The following ERC2 variants were observed in gnomAD, a reference collection of about 807,000 sequenced individuals.
The protein encoded by ERC2 is ERC protein 2.
ERC2 carries 42 observed loss-of-function variants against 114.8 expected under a neutral mutation model. The observed-to-expected ratio is 0.37, with a 90% CI of 0.29 to 0.47. The LOEUF (loss-of-function observed/expected upper bound fraction) is 0.47. ERC2 is among the 20% of genes least tolerant of loss of function. ERC2 has a pLI of 0.99. For synonymous variants in ERC2, 454 were observed against 425.5 expected, an observed-to-expected ratio of 1.07 and a Z score of -0.82; for missense variants, 939 against 1,150.7, an observed-to-expected ratio of 0.82 and a Z score of 2.66.
At chr3:56,009,349 T>C (rs561016815) in intron 9 of ERC2, among the ~76,000 whole-genome samples, 74 of 152,304 alleles carry the variant, frequency 4.9e-4, no homozygotes, top group Non-Finnish European at 8.4e-4. Flanking sequence ...AACAAAGAAA[T>C]AAGCTCCTTT....
chr3:55,819,065 T>C (rs1347921246), intron 14 of ERC2, among the ~76,000 whole-genome samples: 1 of 152,204 alleles, frequency 6.6e-6, no homozygotes, highest in Non-Finnish European at 1.5e-5. Flanking sequence ...ATGGTCCTTC[T>C]CTGCTGGGCA....
intron 3 of ERC2, among the ~76,000 whole-genome samples, chr3:56,216,079 A>T (rs2049448549): frequency 6.6e-6 from 1 of 152,224 alleles, no homozygotes; most frequent in African/African-American, 2.4e-5. Context: ...TCACAATTAA[A>T]AGAACTAGAG....
At chr3:56,001,643 T>A (rs1469627604) in intron 10 of ERC2, among the ~76,000 whole-genome samples, 1 of 152,128 alleles carries the variant, frequency 6.6e-6, no homozygotes, top group Non-Finnish European at 1.5e-5. Flanking sequence ...CACTGATATT[T>A]CTAGAAATGG....
At chr3:55,910,143 A>G (rs1413666840) in intron 13 of ERC2, among the ~76,000 whole-genome samples, 2 of 152,192 alleles carry the variant, frequency 1.3e-5, no homozygotes, top group East Asian at 1.9e-4. Flanking sequence ...TAATCTCAGC[A>G]CTTTGGGAGG....
At chr3:55,966,095 G>A (rs932500076) in intron 12 of ERC2, among the ~76,000 whole-genome samples, 1 of 152,112 alleles carries the variant, frequency 6.6e-6, no homozygotes, top group Non-Finnish European at 1.5e-5. Flanking sequence ...TAGCTCTAGG[G>A]TATGTTAATA....
chr3:56,197,276 A>T (rs1323446998), intron 3 of ERC2, among the ~76,000 whole-genome samples: 1 of 152,176 alleles, frequency 6.6e-6, no homozygotes, highest in African/African-American at 2.4e-5. Flanking sequence ...GAATGGTGAT[A>T]ATGCTTGCTT....
chr3:56,367,266 T>C (rs1425931710), intron 2 of ERC2, among the ~76,000 whole-genome samples: 6 of 125,510 alleles, frequency 4.8e-5, no homozygotes, highest in South Asian at 4.9e-4. Flanking sequence ...TGGGCAGCAT[T>C]TTTTTTTTTT....
chr3:56,343,045 A>G (rs1297527290), intron 2 of ERC2, among the ~76,000 whole-genome samples: 4 of 152,108 alleles, frequency 2.6e-5, no homozygotes, highest in African/African-American at 9.7e-5. Context: ...TAAAGACTTG[A>G]CAGACCCATA....
At chr3:55,789,702 G>A (rs1287295383) in intron 14 of ERC2, among the ~76,000 whole-genome samples, 1 of 152,168 alleles carries the variant, frequency 6.6e-6, no homozygotes, top group African/African-American at 2.4e-5. Flanking sequence ...TGGTATGCTG[G>A]AAGAGAAAGG....
At chr3:56,285,027 A>G (rs1277191603) in intron 3 of ERC2, among the ~76,000 whole-genome samples, 1 of 118,108 alleles carries the variant, frequency 8.5e-6, no homozygotes, top group East Asian at 2.7e-4. Flanking sequence ...ACACACACAC[A>G]CACATACACA....
intron 12 of ERC2, among the ~76,000 whole-genome samples, chr3:55,966,249 C>T (rs988228380): frequency 6.6e-6 from 1 of 152,120 alleles, no homozygotes; most frequent in African/African-American, 2.4e-5. Context: ...GGACATAATC[C>T]TCCATACTAG....
At chr3:55,916,319 A>G (rs2065091154) in intron 13 of ERC2, among the ~76,000 whole-genome samples, 4 of 152,124 alleles carry the variant, frequency 2.6e-5, no homozygotes, top group Admixed American at 2.6e-4. Flanking sequence ...CCAAATGTTT[A>G]TTGCCTTGCT....
intron 14 of ERC2, among the ~76,000 whole-genome samples, chr3:55,739,773 T>A (rs1346673139): frequency 6.6e-6 from 1 of 152,348 alleles, no homozygotes; most frequent in East Asian, 1.9e-4. Flanking sequence ...AGATCCCATT[T>A]GTCAATTTTG....
intron 3 of ERC2, among the ~76,000 whole-genome samples, chr3:56,222,212 G>T (rs1056321598): frequency 2.6e-5 from 4 of 152,184 alleles, no homozygotes; most frequent in Admixed American, 6.5e-5. Flanking sequence ...CAGATAATAT[G>T]AGATATACTG....
chr3:55,689,333 T>C (rs945626471), intron 16 of ERC2, among the ~76,000 whole-genome samples: 4 of 152,316 alleles, frequency 2.6e-5, no homozygotes, highest in Admixed American at 1.3e-4. Context: ...AAAATAGCTG[T>C]GACAAACTAG....
chr3:56,181,932 A>G (rs2083308975), intron 3 of ERC2, among the ~76,000 whole-genome samples: 1 of 152,206 alleles, frequency 6.6e-6, no homozygotes, highest in South Asian at 2.1e-4. Flanking sequence ...TCAAGCCTTC[A>G]GATGACTGCA....
chr3:55,770,038 G>A (rs2068082048), intron 14 of ERC2, among the ~76,000 whole-genome samples: 1 of 152,192 alleles, frequency 6.6e-6, no homozygotes, highest in Admixed American at 6.5e-5. Context: ...CTGCCTTGAC[G>A]AATGGGATAT....
At chr3:56,098,989 T>A (rs1182244888) in intron 6 of ERC2, among the ~76,000 whole-genome samples, 3 of 152,188 alleles carry the variant, frequency 2.0e-5, no homozygotes, top group Non-Finnish European at 4.4e-5. Context: ...GTGAATGTGA[T>A]CTTGTTTGGA....
At chr3:56,453,475 A>C (rs2062916542) in intron 1 of ERC2, among the ~76,000 whole-genome samples, 1 of 152,176 alleles carries the variant, frequency 6.6e-6, no homozygotes. Flanking sequence ...CCCAGCTACC[A>C]CAAACACAGT....
Sources: gnomAD v4.1 joint callset for allele counts (sites outside exome capture counted in the v4.1 genomes callset) on GRCh38, gnomAD v4.1.1 for gene constraint, MANE v1.5 for transcripts, NCBI Gene and HGNC (gene_info 2026-07-23, HGNC 2026-07-21) for gene names.